The following ITPKB variants were observed in gnomAD, a reference collection of about 807,000 sequenced individuals.
ITPKB encodes the protein inositol-trisphosphate 3-kinase B.
In ITPKB, 13 loss-of-function variants were observed where a neutral mutation model predicts 69.4. The ratio of observed to expected loss-of-function variants is 0.19; its 90% CI spans 0.12 to 0.30. ITPKB has a LOEUF of 0.30. Among genes scored for constraint, ITPKB ranks in the 10% least tolerant of loss-of-function variants. ITPKB has a pLI of 1.00. For missense variants in ITPKB, 1,240 were observed against 1,250.5 expected (o/e 0.99, Z 0.13); for synonymous variants, 584 against 513.7 (o/e 1.14, Z -1.85).
At chr1:226,727,368 G>A (rs886628347) in intron 2 of ITPKB, among the ~76,000 whole-genome samples, 1 of 152,140 alleles carries the variant, frequency 6.6e-6, no homozygotes, top group African/African-American at 2.4e-5. Flanking sequence ...AAAAACACTT[G>A]CTGGGAACTG....
At chr1:226,714,555 C>A (rs1244478974) in intron 2 of ITPKB, among the ~76,000 whole-genome samples, 1 of 152,224 alleles carries the variant, frequency 6.6e-6, no homozygotes, top group African/African-American at 2.4e-5. Context: ...AGAAAACTAC[C>A]TGTCATCCTC....
Position 226,735,600 on chromosome 1 carries a change from G to C in ITPKB, c.1859C>G (p.Ser620Cys). ...GTCCAGGGTGCGCTCAGGGTCACTG[G>C]AGATGTCCTCCTCTGAGTCTTCGTA... ...SSYEDSEEDI[S>C]SDPERTLDPN... Residue 620 changes from serine (S) to cysteine (C), a missense_variant, in exon 2 of 8, where the codon TCC becomes TGC. Around this residue, in one of 2 missense-constraint regions of ITPKB, gnomAD observed 992 missense variants for 853.8 expected, o/e 1.16. Coordinates refer to ENST00000429204, the MANE Select transcript of ITPKB (RefSeq NM_002221.4). 6.2e-7 allele frequency: 1 copy of C among 1,602,066 alleles called. No homozygotes were observed. Among genetic ancestry groups the C allele is most frequent in the Non-Finnish European group, 8.5e-7 (1 of 1,174,112 alleles).
chr1:226,686,331 G>A (rs1165766811), intron 2 of ITPKB, among the ~76,000 whole-genome samples: 1 of 152,200 alleles, frequency 6.6e-6, no homozygotes, highest in Non-Finnish European at 1.5e-5. Flanking sequence ...AGTATAGATT[G>A]AAAGGGAAGC....
chr1:226,708,085 T>C (rs763317079), intron 2 of ITPKB, among the ~76,000 whole-genome samples: 2 of 152,204 alleles, frequency 1.3e-5, no homozygotes, highest in African/African-American at 2.4e-5. Context: ...TTGATTACTG[T>C]ATGAAATGAC....
At chr1:226,639,732 A>T (rs1668915371) in intron 5 of ITPKB, 74 bp from the exon 6 acceptor site, 1 of 983,426 alleles carries the variant, frequency 1.0e-6, no homozygotes, top group Non-Finnish European at 1.6e-6. Flanking sequence ...CACCCACCCA[A>T]CACCACAGAG....
chr1:226,692,044 C>T (rs761739008), intron 2 of ITPKB, among the ~76,000 whole-genome samples: 3 of 152,142 alleles, frequency 2.0e-5, no homozygotes, highest in South Asian at 2.1e-4. Flanking sequence ...AAAGATAAAA[C>T]GCCTGGGAGG....
At chr1:226,652,842 G>A (rs1669221994) in intron 2 of ITPKB, among the ~76,000 whole-genome samples, 1 of 152,230 alleles carries the variant, frequency 6.6e-6, no homozygotes, top group Admixed American at 6.5e-5. Flanking sequence ...TGGCAGACCT[G>A]GGGCAGGTGG....
chr1:226,721,300 A>G (rs1204709141), intron 2 of ITPKB, among the ~76,000 whole-genome samples: 1 of 144,796 alleles, frequency 6.9e-6, no homozygotes, highest in Admixed American at 7.1e-5. Context: ...GTGAGTCAAG[A>G]TCTCGCCATT....
chr1:226,737,548 C>A lies in ITPKB; in HGVS notation c.-90G>T. 8.0e-7 allele frequency: 1 copy of A among 1,251,080 alleles called. No homozygotes were observed. Among genetic ancestry groups the A allele is most frequent in the South Asian group, 3.6e-5 (1 of 27,634 alleles). The allele number at this position is 1,251,080 out of a possible 1,614,324, so 77.5% of individuals were successfully genotyped here. A position where few individuals can be genotyped will look rare whatever the true frequency, so the allele number is the denominator to read the frequency against. On this transcript the variant is annotated 5_prime_UTR_variant, in exon 2 of 8. Transcript: ENST00000429204. ...CCTCCCGGCGCTCCCGGCTCAGCCC[C>A]GGAGGCCCGGCAGCCGCGGCTCCGC... is the stretch of plus-strand genomic sequence containing the variant.
At chr1:226,731,832 A>G (rs562213172) in intron 2 of ITPKB, among the ~76,000 whole-genome samples, 37 of 152,296 alleles carry the variant, frequency 2.4e-4, no homozygotes, top group Middle Eastern at 3.4e-3. Flanking sequence ...AGAAAACAGC[A>G]TATGCAACCT....
chr1:226,664,120 C>T (rs966440403), intron 2 of ITPKB, among the ~76,000 whole-genome samples: 4 of 152,240 alleles, frequency 2.6e-5, no homozygotes, highest in South Asian at 4.1e-4. Flanking sequence ...TCCTGGTTCT[C>T]TTAGACTTGT....
At chr1:226,712,057 G>A (rs1656973621) in intron 2 of ITPKB, among the ~76,000 whole-genome samples, 1 of 152,202 alleles carries the variant, frequency 6.6e-6, no homozygotes, top group South Asian at 2.1e-4. Flanking sequence ...GTTCTCCCCG[G>A]TGGTGTACAG....
chr1:226,662,885 G>A (rs1669426358), intron 2 of ITPKB, among the ~76,000 whole-genome samples: 1 of 152,226 alleles, frequency 6.6e-6, no homozygotes, highest in South Asian at 2.1e-4. Context: ...AGCATCTGCA[G>A]CCCTGCCCCA....
At chr1:226,668,667 T>G (rs1669552001) in intron 2 of ITPKB, among the ~76,000 whole-genome samples, 2 of 152,254 alleles carry the variant, frequency 1.3e-5, no homozygotes, top group Non-Finnish European at 2.9e-5. Flanking sequence ...ATTTTATGTT[T>G]AAGATTTATC....
chr1:226,641,810 C>T lies in ITPKB; in HGVS notation c.2451+111G>A. On this transcript the variant is annotated intron_variant, in intron 5 of 7. Coordinates refer to ENST00000429204, the MANE Select transcript of ITPKB (RefSeq NM_002221.4). This position sits in a 1 kb window ranked among gnomAD's most constrained non-coding sequence, Gnocchi z 4.6. ...GGCCTTGGGGCGGGCCACCCACATT[C>T]TGAGCCTGTGCCTGGAGAAGCTTAC... The T allele has an allele frequency of 9.7e-7, 1 of 1,032,968 alleles. No homozygotes were observed. The highest frequency in any genetic ancestry group is 1.4e-6 in the Non-Finnish European group (1 of 700,892). 64.0% of individuals were successfully genotyped at this position (1,032,968 alleles called of 1,614,324 possible).
intron 2 of ITPKB, among the ~76,000 whole-genome samples, chr1:226,694,703 C>T (rs572549960): frequency 5.3e-5 from 8 of 152,306 alleles, no homozygotes; most frequent in African/African-American, 1.9e-4. Context: ...TGGAGGATGT[C>T]GGCAGCATCC....
In ITPKB at chr1:226,738,685, C is replaced by T. The variant is rs1277751251; in HGVS notation, c.-206+356G>A. 2.0e-5 allele frequency among the ~76,000 whole-genome samples: 3 copies of T among 152,148 alleles called. No homozygotes were observed. Among genetic ancestry groups the T allele is most frequent in the Non-Finnish European group, 4.4e-5 (3 of 68,008 alleles). Reference sequence around the variant, plus strand: ...CTCCCAGGAGCCGGCGCTCTAACACCCCAGGGCAGCGCCGCGGAGCGCAGG... The same window carrying T: ...CTCCCAGGAGCCGGCGCTCTAACACTCCAGGGCAGCGCCGCGGAGCGCAGG... On this transcript the variant is annotated intron_variant, in intron 1 of 7. Transcript: ENST00000429204. The surrounding 1 kb of genome is among the most constrained non-coding windows in gnomAD (Gnocchi z 4.2).
intron 2 of ITPKB, among the ~76,000 whole-genome samples, chr1:226,694,060 T>C (rs1422180240): frequency 2.0e-5 from 3 of 152,216 alleles, no homozygotes; most frequent in Non-Finnish European, 4.4e-5. Context: ...CTGGCAAACA[T>C]AGGGCTGGAT....
intron 2 of ITPKB, among the ~76,000 whole-genome samples, chr1:226,651,391 CAT>C (rs1206747529): frequency 6.6e-6 from 1 of 152,222 alleles, no homozygotes. Flanking sequence ...AAGAGCGACA[CAT>C]AGATTCCCAT....
Sources: allele counts gnomAD v4.1 joint callset (sites outside exome capture counted in the v4.1 genomes callset), GRCh38; gene constraint gnomAD v4.1.1; regional missense constraint gnomAD v4.1.1; non-coding constraint Gnocchi (gnomAD v3.1); transcripts MANE v1.5; gene names NCBI Gene and HGNC (gene_info 2026-07-23, HGNC 2026-07-21).